The following MYT1 variants were observed in gnomAD, a reference collection of about 807,000 sequenced individuals.
MYT1 encodes the protein myelin transcription factor I.
MYT1 carries 23 observed loss-of-function variants against 123.0 expected under a neutral mutation model. The ratio of observed to expected loss-of-function variants is 0.19; its 90% CI spans 0.13 to 0.26. MYT1 has a LOEUF of 0.26. Ranked by LOEUF, MYT1 falls within the 10% of genes least tolerant of loss-of-function variation. MYT1 has a pLI of 1.00. For missense variants in MYT1, 1,125 were observed against 1,472.5 expected (o/e 0.76, Z 3.86); for synonymous variants, 518 against 575.3 (o/e 0.90, Z 1.43).
intron 4 of MYT1, among the ~76,000 whole-genome samples, chr20:64,204,471 C>A (rs1200705539): frequency 6.6e-6 from 1 of 152,210 alleles, no homozygotes; most frequent in Non-Finnish European, 1.5e-5. Flanking sequence ...AAGCTGGGAC[C>A]CACACCAGCT....
intron 21 of MYT1, among the ~76,000 whole-genome samples, chr20:64,239,470 C>T (rs3003147): frequency 0.16 from 25,084 of 152,060 alleles, 2,817 homozygotes; most frequent in African/African-American, 0.31. Flanking sequence ...TTCTCCTGCA[C>T]GGCGGGTTTC....
At chr20:64,229,640 C>T (rs1984266358) in intron 18 of MYT1, among the ~76,000 whole-genome samples, 2 of 152,158 alleles carry the variant, frequency 1.3e-5, no homozygotes, top group African/African-American at 4.8e-5. Context: ...TAAACAGATG[C>T]ATATCAAAGC....
At chr20:64,217,379 C>A in intron 11 of MYT1, 98 bp downstream of exon 11, 1 of 1,317,412 alleles carries the variant, frequency 7.6e-7, no homozygotes, top group Non-Finnish European at 1.1e-6. Flanking sequence ...CGAGGAGCTA[C>A]TAGGGAGGGA....
Position 64,185,435 on chromosome 20 carries a change from C to G in MYT1, c.-98-4628C>G, listed in dbSNP as rs1982773759. Among the ~76,000 whole-genome samples the G allele has an allele frequency of 6.6e-6, 1 of 152,244 alleles. No individual in the cohort carries two copies. Among genetic ancestry groups the G allele is most frequent in the East Asian group, 1.9e-4 (1 of 5,184 alleles). ...AACAGCTCCTGGCCCCAAAGGCAGC[C>G]CTAGTTACCAGAGATGCAAAACCTA... On this transcript the variant is annotated intron_variant, in intron 1 of 22. Transcript: ENST00000328439. The surrounding 1 kb of genome is among the most constrained non-coding windows in gnomAD (Gnocchi z 4.5).
chr20:64,168,616 C>G lies in MYT1; in HGVS notation c.-99+3877C>G, dbSNP rs1331315653. Among the ~76,000 whole-genome samples the G allele has an allele frequency of 3.9e-5, 6 of 152,200 alleles. No homozygotes were observed. The highest frequency in any genetic ancestry group is 2.0e-4 in the Admixed American group (3 of 15,288). ...CCTTGTCCTGCAGCACCGGAAGCCT[C>G]CACTCAGCAGCCCCAACCTTCAAGA... On this transcript the variant is annotated intron_variant, in intron 1 of 22. Coordinates refer to ENST00000328439, the MANE Select transcript of MYT1 (RefSeq NM_004535.3). The surrounding 1 kb of genome is among the most constrained non-coding windows in gnomAD (Gnocchi z 6.1).
Position 64,167,059 on chromosome 20 carries a change from T to G in MYT1, c.-99+2320T>G, listed in dbSNP as rs1373682022. On this transcript the variant is annotated intron_variant, in intron 1 of 22. Transcript: ENST00000328439. The surrounding 1 kb of genome is among the most constrained non-coding windows in gnomAD (Gnocchi z 6.3). ...ATGACATTTGTGGTGGTGTGGTGGG[T>G]AGAGGAGACCCACACCACTCTGCAC... Among the ~76,000 whole-genome samples, 2 of 152,038 alleles carry G rather than the reference T, an allele frequency of 1.3e-5. No individual in the cohort carries two copies. The highest frequency in any genetic ancestry group is 3.9e-4 in the East Asian group (2 of 5,158).
intron 1 of MYT1, among the ~76,000 whole-genome samples, chr20:64,183,512 A>T (rs1050901790): frequency 6.6e-6 from 1 of 152,210 alleles, no homozygotes; most frequent in African/African-American, 2.4e-5. Flanking sequence ...GTTCTTGCCA[A>T]CACTTGTTAC....
chr20:64,213,486 C>A lies in MYT1; in HGVS notation c.1518-48C>A. On this transcript the variant is annotated intron_variant, in intron 9 of 22. Transcript: ENST00000328439. The surrounding 1 kb of genome is among the most constrained non-coding windows in gnomAD (Gnocchi z 5.6). ...ACACACACAGACACCCAGGACAGGACAGGCATGGAGGGGAAGGCTCAGAAA... is the reference window on the plus strand; with the variant it reads ...ACACACACAGACACCCAGGACAGGAAAGGCATGGAGGGGAAGGCTCAGAAA... The A allele has an allele frequency of 1.4e-6, 2 of 1,474,826 alleles. No homozygotes were observed. The highest frequency in any genetic ancestry group is 2.3e-5 in the East Asian group (1 of 44,090). 91.4% of individuals were successfully genotyped at this position (1,474,826 alleles called of 1,614,324 possible). A position where few individuals can be genotyped will look rare whatever the true frequency, so the allele number is the denominator to read the frequency against.
At position 64,223,058 on chromosome 20, in the gene MYT1, G is replaced by T; in HGVS notation, c.2397-53G>T. 3 of 1,601,866 alleles carry T rather than the reference G, an allele frequency of 1.9e-6. No individual in the cohort carries two copies. The South Asian group carries it at 3.3e-5, about 18-fold the overall frequency. Reference sequence around the variant, plus strand: ...CTCCCTCGCAGAGCAGGCTCAGCCTGGGGGGCAGGTACACACCACTCTCCG... The same window carrying T: ...CTCCCTCGCAGAGCAGGCTCAGCCTTGGGGGCAGGTACACACCACTCTCCG... On this transcript the variant is annotated intron_variant, in intron 14 of 22. Transcript: ENST00000328439.
chr20:64,212,804 C>A lies in MYT1; in HGVS notation c.1517+666C>A, dbSNP rs1983721333. 6.6e-6 allele frequency among the ~76,000 whole-genome samples: 1 copy of A among 151,974 alleles called. No homozygotes were observed. Among genetic ancestry groups the A allele is most frequent in the Non-Finnish European group, 1.5e-5 (1 of 67,986 alleles). On this transcript the variant is annotated intron_variant, in intron 9 of 22. Transcript: ENST00000328439. This position sits in a 1 kb window ranked among gnomAD's most constrained non-coding sequence, Gnocchi z 6.8. ...ACTGGTCTTCTATGGTGAGGGGGGACTACTCCTCCAGCCTTACCCTAAGTG... is the reference window on the plus strand; with the variant it reads ...ACTGGTCTTCTATGGTGAGGGGGGAATACTCCTCCAGCCTTACCCTAAGTG...
Position 64,219,808 on chromosome 20 carries a change from C to T in MYT1, c.2067C>T (p.Cys689=), listed in dbSNP as rs1396028480. Residue 689 remains cysteine (C), a synonymous_variant, in exon 13 of 23, where the codon TGC becomes TGT. Transcript: ENST00000328439. ...RENAFPSSSS[C]SSSPGVKSPD... ...ATGCTTTCCCCAGCAGCAGCAGCTGCAGCAGCAGCCCCGGTGTGAAGTCTC... is the reference window on the plus strand; with the variant it reads ...ATGCTTTCCCCAGCAGCAGCAGCTGTAGCAGCAGCCCCGGTGTGAAGTCTC... The T allele has an allele frequency of 6.2e-7, 1 of 1,613,842 alleles. No homozygotes were observed. Among genetic ancestry groups the T allele is most frequent in the South Asian group, 1.1e-5 (1 of 90,998 alleles).
Position 64,193,876 on chromosome 20 carries a change from G to T in MYT1, c.-1+3716G>T, listed in dbSNP as rs1983032812. 6.6e-6 allele frequency among the ~76,000 whole-genome samples: 1 copy of T among 151,900 alleles called. No individual in the cohort carries two copies. The highest frequency in any genetic ancestry group is 6.6e-5 in the Admixed American group (1 of 15,230). On this transcript the variant is annotated intron_variant, in intron 2 of 22. Coordinates refer to ENST00000328439, the MANE Select transcript of MYT1 (RefSeq NM_004535.3). The surrounding 1 kb of genome is among the most constrained non-coding windows in gnomAD (Gnocchi z 4.0). The stretch of plus-strand genomic sequence containing the variant: ...CCATTCTAATTCTCCAGATTTGCTG[G>T]CTGTCAGAACACATTTTAAATAAAA...
intron 2 of MYT1, among the ~76,000 whole-genome samples, chr20:64,195,155 T>C (rs979664215): frequency 1.3e-5 from 2 of 151,042 alleles, no homozygotes; most frequent in Non-Finnish European, 3.0e-5. Flanking sequence ...TGCCCGGCCC[T>C]GTTTCTGGGT....
Position 64,236,752 on chromosome 20 carries a change from C to T in MYT1, c.2989+106C>T, listed in dbSNP as rs1484866366. On this transcript the variant is annotated intron_variant, in intron 20 of 22. Coordinates refer to ENST00000328439, the MANE Select transcript of MYT1 (RefSeq NM_004535.3). ...GAAGAAGGTTAGGGAGATGAAGCCC[C>T]TCCTGGAATGAGTCACGGCAGAGGC... is the stretch of plus-strand genomic sequence containing the variant. 5 of 953,272 alleles carry T rather than the reference C, an allele frequency of 5.2e-6. No individual in the cohort carries two copies. In the African/African-American group the frequency reaches 8.1e-5, roughly 15 times the overall value. 59.1% of individuals were successfully genotyped at this position (953,272 alleles called of 1,614,324 possible).
intron 1 of MYT1, among the ~76,000 whole-genome samples, chr20:64,184,836 C>T (rs746267575): frequency 8.5e-5 from 13 of 152,154 alleles, no homozygotes; most frequent in Non-Finnish European, 1.9e-4. Context: ...ATATTGTGGG[C>T]AGCGAGGAAG....
intron 16 of MYT1, among the ~76,000 whole-genome samples, chr20:64,223,806 G>A (rs1238464035): frequency 1.3e-5 from 2 of 152,166 alleles, no homozygotes; most frequent in African/African-American, 2.4e-5. Flanking sequence ...CGCTGATAAT[G>A]AAGAGAAAGC....
rs1208166763 is a variant in MYT1, at chr20:64,235,371, A to C, written c.2898-1184A>C. Among the ~76,000 whole-genome samples the C allele has an allele frequency of 8.8e-5, 8 of 91,218 alleles. No individual in the cohort carries two copies. The South Asian group carries it at 1.3e-3, about 14-fold the overall frequency. The allele number at this position is 91,218 out of a possible 152,430, so 59.8% of individuals were successfully genotyped here. The stretch of plus-strand genomic sequence containing the variant: ...CCCTGGGATGGCCGTTGTGGGTGAC[A>C]CTGGGCTGGTGGTGGTGGGTGACCC... On this transcript the variant is annotated intron_variant, in intron 19 of 22. Coordinates refer to ENST00000328439, the MANE Select transcript of MYT1 (RefSeq NM_004535.3).
At position 64,186,376 on chromosome 20, in the gene MYT1, C is replaced by A. The variant is rs745468371; in HGVS notation, c.-98-3687C>A. On this transcript the variant is annotated intron_variant, in intron 1 of 22. Transcript: ENST00000328439. This position sits in a 1 kb window ranked among gnomAD's most constrained non-coding sequence, Gnocchi z 4.3. ...ATGTTCCGTTTCCCATTCGCATCCA[C>A]GAGCAGGGATTCAGATTAACTCACT... 6.6e-6 allele frequency among the ~76,000 whole-genome samples: 1 copy of A among 152,168 alleles called. No individual in the cohort carries two copies. Among genetic ancestry groups the A allele is most frequent in the African/African-American group, 2.4e-5 (1 of 41,442 alleles).
At chr20:64,238,663 G>A (rs180805304) in intron 21 of MYT1, among the ~76,000 whole-genome samples, 4 of 114,338 alleles carry the variant, frequency 3.5e-5, no homozygotes, top group Admixed American at 3.3e-4. Context: ...GTGTCTCTGA[G>A]TGTGGAGATG....
Sources: allele counts gnomAD v4.1 joint callset (sites outside exome capture counted in the v4.1 genomes callset), GRCh38; gene constraint gnomAD v4.1.1; non-coding constraint Gnocchi (gnomAD v3.1); transcripts MANE v1.5; gene names NCBI Gene and HGNC (gene_info 2026-07-23, HGNC 2026-07-21).